EFCAB6: variants seen among roughly 807,000 people sequenced by gnomAD.
EFCAB6 encodes the protein EF-hand calcium binding domain 6, also known as EF-hand calcium-binding domain-containing protein 6.
EFCAB6 carries 156 observed loss-of-function variants against 169.8 expected under a neutral mutation model. The ratio of observed to expected loss-of-function variants is 0.92; its 90% CI spans 0.81 to 1.05. The LOEUF (loss-of-function observed/expected upper bound fraction) is 1.05. Among genes scored for constraint, EFCAB6 ranks in the 50% least tolerant of loss-of-function variants. EFCAB6 has a pLI of 0.00. For missense variants in EFCAB6, 1,800 were observed against 1,829.1 expected (o/e 0.98, Z 0.29); for synonymous variants, 698 against 676.4 (o/e 1.03, Z -0.50).
intron 17 of EFCAB6, among the ~76,000 whole-genome samples, chr22:43,643,884 C>T (rs1010086951): frequency 2.0e-5 from 3 of 151,808 alleles, no homozygotes; most frequent in Admixed American, 6.6e-5. Context: ...AGCGCAGTAG[C>T]GTGATCTCGG....
intron 3 of EFCAB6, among the ~76,000 whole-genome samples, chr22:43,777,424 A>G (rs944272931): frequency 6.6e-6 from 1 of 152,250 alleles, no homozygotes; most frequent in African/African-American, 2.4e-5. Context: ...GAATGAGCAC[A>G]GCCCTGAGGG....
chr22:43,534,509 C>A (rs2047272282), intron 30 of EFCAB6, among the ~76,000 whole-genome samples, 179 bp downstream of exon 30: 1 of 152,170 alleles, frequency 6.6e-6, no homozygotes, highest in African/African-American at 2.4e-5. Context: ...GCCTGTGGTC[C>A]TAGTTAGTTG....
At chr22:43,543,157 T>A (rs2147091733) in intron 27 of EFCAB6, among the ~76,000 whole-genome samples, 1 of 152,134 alleles carries the variant, frequency 6.6e-6, no homozygotes, top group South Asian at 2.1e-4. Flanking sequence ...AGCCCCAGGC[T>A]CCAAGGAGAG....
intron 12 of EFCAB6, among the ~76,000 whole-genome samples, chr22:43,678,367 A>T (rs1304156002): frequency 1.3e-5 from 1 of 79,580 alleles, no homozygotes; most frequent in African/African-American, 3.5e-5. Flanking sequence ...GTGTGTGTGT[A>T]GGCTGAATGC....
At chr22:43,698,622 T>A (rs1024696555) in intron 10 of EFCAB6, among the ~76,000 whole-genome samples, 2 of 152,052 alleles carry the variant, frequency 1.3e-5, no homozygotes, top group African/African-American at 4.8e-5. Context: ...CATTACAGAG[T>A]TGGCTAAGAG....
intron 3 of EFCAB6, among the ~76,000 whole-genome samples, chr22:43,777,767 G>C (rs938094243): frequency 1.3e-5 from 2 of 152,144 alleles, no homozygotes. Flanking sequence ...TAATTTAAAA[G>C]AATCAGAAAA....
intron 17 of EFCAB6, among the ~76,000 whole-genome samples, chr22:43,666,547 C>T (rs1219805719): frequency 3.3e-5 from 5 of 152,148 alleles, no homozygotes; most frequent in Admixed American, 2.0e-4. Context: ...GATCGTAATA[C>T]GAATTTTAAG....
At chr22:43,644,657 G>A (rs1057278483) in intron 17 of EFCAB6, among the ~76,000 whole-genome samples, 3 of 152,172 alleles carry the variant, frequency 2.0e-5, no homozygotes, top group African/African-American at 7.2e-5. Flanking sequence ...AAATGTTCAT[G>A]TTTTCTTTTC....
chr22:43,810,117 G>A (rs994003188), intron 1 of EFCAB6, among the ~76,000 whole-genome samples: 1 of 152,110 alleles, frequency 6.6e-6, no homozygotes. Context: ...GGCCTCAAGC[G>A]ATCCTCCTGC....
intron 26 of EFCAB6, 32 bp downstream of exon 26, chr22:43,576,265 A>C (rs779569083): frequency 7.1e-6 from 11 of 1,542,468 alleles, no homozygotes; most frequent in Non-Finnish European, 9.5e-6. Flanking sequence ...CTCATTTTCA[A>C]AGAGATGCTT....
At chr22:43,549,434 C>G (rs912229341) in intron 27 of EFCAB6, among the ~76,000 whole-genome samples, 1 of 152,028 alleles carries the variant, frequency 6.6e-6, no homozygotes, top group African/African-American at 2.4e-5. Flanking sequence ...AATTTGAAAA[C>G]TTGGAGAAAA....
intron 2 of EFCAB6, among the ~76,000 whole-genome samples, chr22:43,806,680 T>C (rs1281682889): frequency 6.6e-6 from 1 of 152,194 alleles, no homozygotes; most frequent in African/African-American, 2.4e-5. Flanking sequence ...CACCACGTAG[T>C]TCCTCACTTC....
chr22:43,778,579 T>C (rs183381368), intron 3 of EFCAB6, among the ~76,000 whole-genome samples: 14 of 151,994 alleles, frequency 9.2e-5, no homozygotes, highest in African/African-American at 3.1e-4. Context: ...CCCCCCAAAA[T>C]GGCAGGTAGG....
At chr22:43,777,661 G>C (rs936820638) in intron 3 of EFCAB6, among the ~76,000 whole-genome samples, 1 of 152,118 alleles carries the variant, frequency 6.6e-6, no homozygotes, top group African/African-American at 2.4e-5. Flanking sequence ...GATCCCTCTT[G>C]TTAATGTACA....
chr22:43,724,525 G>A (rs371518998), intron 8 of EFCAB6, among the ~76,000 whole-genome samples: 8 of 151,876 alleles, frequency 5.3e-5, no homozygotes, highest in South Asian at 2.1e-4. Context: ...ACGCCACCAC[G>A]CCCAGCTAAT....
rs374404673 is a variant in EFCAB6 at position 43,620,263 on chromosome 22, C to T, written c.2466-4341G>A. On this transcript the variant is annotated intron_variant, in intron 20 of 31. Transcript: ENST00000262726. Reference sequence around the variant, plus strand: ...GGTCAAGGCTGCAGTGAGCTGTGATCGCACCACCACGCTCCAGTCTGGGTG... The same window carrying T: ...GGTCAAGGCTGCAGTGAGCTGTGATTGCACCACCACGCTCCAGTCTGGGTG... Among the ~76,000 whole-genome samples, 84 of 151,652 alleles carry T rather than the reference C, an allele frequency of 5.5e-4. 1 individual carries two copies. In the South Asian group the frequency reaches 0.017, roughly 30 times the overall value.
At chr22:43,724,571 T>C (rs2059656035) in intron 8 of EFCAB6, among the ~76,000 whole-genome samples, 1 of 152,024 alleles carries the variant, frequency 6.6e-6, no homozygotes, top group South Asian at 2.1e-4. Flanking sequence ...GGTTTCACTG[T>C]GTTGGCCAGG....
intron 6 of EFCAB6, among the ~76,000 whole-genome samples, chr22:43,738,222 TCA>T (rs1232972298): frequency 7.5e-5 from 10 of 134,206 alleles, no homozygotes; most frequent in South Asian, 2.4e-4. Flanking sequence ...GTGCATATAC[TCA>T]CACATTCACA....
At chr22:43,652,256 C>A (rs893007738) in intron 17 of EFCAB6, among the ~76,000 whole-genome samples, 4 of 152,168 alleles carry the variant, frequency 2.6e-5, no homozygotes, top group Non-Finnish European at 5.9e-5. Context: ...GAATAAGTCA[C>A]ATGAGATCTG....
Sources: allele counts gnomAD v4.1 joint callset (sites outside exome capture counted in the v4.1 genomes callset), GRCh38; gene constraint gnomAD v4.1.1; transcripts MANE v1.5; gene names NCBI Gene and HGNC (gene_info 2026-07-23, HGNC 2026-07-21).